The following BACH2 variants were observed in gnomAD, a reference collection of about 807,000 sequenced individuals.
The protein encoded by BACH2 is BACH transcriptional regulator 2, also known as transcription regulator protein BACH2.
BACH2 carries 5 observed loss-of-function variants against 61.8 expected under a neutral mutation model. That is an observed-to-expected ratio of 0.08 (90% CI 0.04 to 0.17). The LOEUF (loss-of-function observed/expected upper bound fraction) is 0.17, where lower values mean the gene tolerates loss of function less well. Ranked by LOEUF, BACH2 falls within the 10% of genes least tolerant of loss-of-function variation. The probability of loss-of-function intolerance (pLI) is 1.00; values close to 1 mark genes in which losing one functional copy is unlikely to be tolerated. For missense variants in BACH2, 824 were observed against 1,091.1 expected (o/e 0.76, Z 3.45); for synonymous variants, 446 against 440.1 (o/e 1.01, Z -0.17).
chr6:90,133,596 T>G (rs563783725), intron 4 of BACH2, among the ~76,000 whole-genome samples: 1 of 152,190 alleles, frequency 6.6e-6, no homozygotes, highest in Non-Finnish European at 1.5e-5. Context: ...AACGTGCAGG[T>G]TTGTTACATA....
At chr6:90,058,429 G>C (rs1309211121) in intron 5 of BACH2, among the ~76,000 whole-genome samples, 7 of 152,228 alleles carry the variant, frequency 4.6e-5, no homozygotes, top group East Asian at 3.9e-4. Flanking sequence ...ATATGAAGGA[G>C]CTCTTCAAGG....
chr6:90,025,693 G>A (rs528377066), intron 5 of BACH2, among the ~76,000 whole-genome samples: 1 of 152,290 alleles, frequency 6.6e-6, no homozygotes, highest in African/African-American at 2.4e-5. Context: ...GGCTAAATGA[G>A]GGTGGTGGAA....
At chr6:90,204,287 G>A (rs1406478106) in intron 4 of BACH2, among the ~76,000 whole-genome samples, 2 of 152,046 alleles carry the variant, frequency 1.3e-5, no homozygotes, top group South Asian at 2.1e-4. Context: ...CACTTAGAAC[G>A]TCAGTCACAC....
intron 3 of BACH2, among the ~76,000 whole-genome samples, chr6:90,250,054 C>T (rs1278127965): frequency 6.6e-6 from 1 of 152,172 alleles, no homozygotes; most frequent in African/African-American, 2.4e-5. Flanking sequence ...GTAATGCACT[C>T]TCAGTGGAAA....
At chr6:89,952,258 C>A (rs1031264518) in intron 6 of BACH2, among the ~76,000 whole-genome samples, 1 of 152,134 alleles carries the variant, frequency 6.6e-6, no homozygotes, top group East Asian at 1.9e-4. Flanking sequence ...ACACTTCTTG[C>A]AGCTTGCTGG....
chr6:90,236,095 T>C (rs1197662151), intron 3 of BACH2, among the ~76,000 whole-genome samples: 2 of 152,272 alleles, frequency 1.3e-5, no homozygotes, highest in Non-Finnish European at 2.9e-5. Context: ...AAGCCTGTTT[T>C]ACTAACTAAA....
intron 7 of BACH2, among the ~76,000 whole-genome samples, 173 bp from the exon 8 acceptor site, chr6:89,938,523 C>T (rs928184340): frequency 3.9e-5 from 6 of 152,102 alleles, no homozygotes; most frequent in African/African-American, 1.4e-4. Context: ...TGTAATAATA[C>T]CTGGATAATC....
Position 89,950,234 on chromosome 6 carries a change from G to A in BACH2, c.1836+36C>T. ...GTAGTCCAGATAAAGGGCCTAGAGA[G>A]TGGGTCACATGCTTGAATTTATGTG... is the stretch of plus-strand genomic sequence containing the variant. On this transcript the variant is annotated intron_variant, in intron 7 of 8. Coordinates refer to ENST00000257749, the MANE Select transcript of BACH2 (RefSeq NM_021813.4). This position sits in a 1 kb window ranked among gnomAD's most constrained non-coding sequence, Gnocchi z 5.3. 1 of 1,612,682 alleles carries A rather than the reference G, an allele frequency of 6.2e-7. No individual in the cohort carries two copies. Among genetic ancestry groups the A allele is most frequent in the Middle Eastern group, 1.7e-4 (1 of 6,058 alleles).
At chr6:90,271,375 A>G (rs1348624421) in intron 2 of BACH2, among the ~76,000 whole-genome samples, 1 of 150,754 alleles carries the variant, frequency 6.6e-6, no homozygotes, top group African/African-American at 2.4e-5. Context: ...TTAAAAAAAA[A>G]AAAAAAAGAA....
At chr6:90,119,563 T>G (rs937588917) in intron 4 of BACH2, among the ~76,000 whole-genome samples, 1 of 152,158 alleles carries the variant, frequency 6.6e-6, no homozygotes, top group East Asian at 1.9e-4. Flanking sequence ...GCTGAACAGC[T>G]GCAGAAACAA....
At chr6:90,142,873 C>T (rs2127827379) in intron 4 of BACH2, among the ~76,000 whole-genome samples, 1 of 152,222 alleles carries the variant, frequency 6.6e-6, no homozygotes, top group Non-Finnish European at 1.5e-5. Context: ...AAGGAAGAGA[C>T]ATTATACAAA....
intron 4 of BACH2, among the ~76,000 whole-genome samples, chr6:90,094,679 A>G (rs572625636): frequency 1.1e-4 from 16 of 152,346 alleles, no homozygotes; most frequent in Admixed American, 9.8e-4. Flanking sequence ...CACTGGAGGT[A>G]AAAAATTTAC....
At chr6:90,253,096 T>A (rs1353694629) in intron 2 of BACH2, among the ~76,000 whole-genome samples, 2 of 152,042 alleles carry the variant, frequency 1.3e-5, no homozygotes, top group African/African-American at 4.8e-5. Flanking sequence ...ATACACAAAT[T>A]AGCTAGGCAT....
At chr6:90,071,116 A>G (rs1781206413) in intron 5 of BACH2, among the ~76,000 whole-genome samples, 1 of 152,184 alleles carries the variant, frequency 6.6e-6, no homozygotes, top group African/African-American at 2.4e-5. Flanking sequence ...TGCCCAAAGC[A>G]TTGGAATTAC....
intron 3 of BACH2, among the ~76,000 whole-genome samples, chr6:90,235,951 G>C (rs927319940): frequency 6.6e-6 from 1 of 152,220 alleles, no homozygotes. Context: ...GTCAATTCTT[G>C]CAAGTCACAT....
intron 4 of BACH2, among the ~76,000 whole-genome samples, chr6:90,169,479 C>T (rs115605459): frequency 0.011 from 1,639 of 152,302 alleles, 29 homozygotes; most frequent in South Asian, 0.034. Flanking sequence ...TGTCAGGACA[C>T]TAACCCAGAC....
intron 7 of BACH2, among the ~76,000 whole-genome samples, chr6:89,942,246 G>A (rs1773478535): frequency 6.6e-6 from 1 of 152,184 alleles, no homozygotes; most frequent in Non-Finnish European, 1.5e-5. Context: ...TGAGTAATAA[G>A]TTCCAAGCCA....
chr6:90,225,588 G>A (rs1027300162), intron 3 of BACH2, among the ~76,000 whole-genome samples: 3 of 152,172 alleles, frequency 2.0e-5, no homozygotes, highest in East Asian at 1.9e-4. Flanking sequence ...CACAGGGAAG[G>A]GAACAACGCA....
intron 4 of BACH2, among the ~76,000 whole-genome samples, chr6:90,133,709 A>G (rs947603336): frequency 1.3e-5 from 2 of 151,980 alleles, no homozygotes; most frequent in African/African-American, 2.4e-5. Context: ...ACCCCACAAC[A>G]GGCCCCAGTG....
Sources: gnomAD v4.1 joint callset for allele counts (sites outside exome capture counted in the v4.1 genomes callset) on GRCh38, gnomAD v4.1.1 for gene constraint, Gnocchi (gnomAD v3.1) non-coding constraint, MANE v1.5 for transcripts, NCBI Gene and HGNC (gene_info 2026-07-23, HGNC 2026-07-21) for gene names.